PKHD1: variants seen among roughly 807,000 people sequenced by gnomAD.
The protein encoded by PKHD1 is fibrocystin.
PKHD1 carries 291 observed loss-of-function variants against 412.0 expected under a neutral mutation model. That is an observed-to-expected ratio of 0.71 (90% CI 0.64 to 0.78). PKHD1 has a LOEUF of 0.78. Among genes scored for constraint, PKHD1 ranks in the 30% least tolerant of loss-of-function variants. The pLI, the probability that PKHD1 is intolerant of heterozygous loss-of-function variation, is 0.00. For missense variants in PKHD1, 4,825 were observed against 4,950.7 expected, an observed-to-expected ratio of 0.97 and a Z score of 0.76; for synonymous variants, 1,777 against 1,821.5, an observed-to-expected ratio of 0.98 and a Z score of 0.62.
chr6:51,946,671 A>C (rs966667855), intron 36 of PKHD1, among the ~76,000 whole-genome samples: 2 of 152,226 alleles, frequency 1.3e-5, no homozygotes, highest in African/African-American at 4.8e-5. Context: ...CTTTCATGAA[A>C]GCTGACTATG....
intron 60 of PKHD1, among the ~76,000 whole-genome samples, chr6:51,704,154 G>A (rs1779753395): frequency 6.6e-6 from 1 of 152,016 alleles, no homozygotes; most frequent in African/African-American, 2.4e-5. Context: ...CTTCTGGCAT[G>A]CAATCTATTT....
intron 48 of PKHD1, among the ~76,000 whole-genome samples, chr6:51,865,861 A>G (rs1280494409): frequency 1.3e-5 from 2 of 152,212 alleles, no homozygotes; most frequent in Non-Finnish European, 2.9e-5. Flanking sequence ...TAATGAGGTT[A>G]TAATGCTTTG....
At chr6:51,769,410 A>G (rs1404920364) in intron 55 of PKHD1, among the ~76,000 whole-genome samples, 2 of 151,204 alleles carry the variant, frequency 1.3e-5, no homozygotes, top group East Asian at 3.9e-4. Context: ...TTTATAAAGT[A>G]TTTTTCTCAG....
chr6:52,000,226 T>C (rs932961237), intron 35 of PKHD1, among the ~76,000 whole-genome samples: 1 of 152,214 alleles, frequency 6.6e-6, no homozygotes, highest in African/African-American at 2.4e-5. Context: ...AGTTATCCAG[T>C]CACCCAATGA....
intron 5 of PKHD1, among the ~76,000 whole-genome samples, chr6:52,079,599 T>A (rs1225515126): frequency 6.6e-6 from 1 of 152,178 alleles, no homozygotes; most frequent in Non-Finnish European, 1.5e-5. Flanking sequence ...ATGGGCAAAT[T>A]ATTTAATCAC....
intron 52 of PKHD1, among the ~76,000 whole-genome samples, chr6:51,801,071 G>A (rs1304579973): frequency 6.6e-6 from 1 of 152,108 alleles, no homozygotes; most frequent in African/African-American, 2.4e-5. Flanking sequence ...TTTGTAGAAA[G>A]AAAATATTTT....
intron 35 of PKHD1, among the ~76,000 whole-genome samples, chr6:51,994,685 G>A (rs1204368770): frequency 1.3e-5 from 2 of 151,716 alleles, no homozygotes; most frequent in South Asian, 2.1e-4. Flanking sequence ...AGGCTGAGGC[G>A]ATCCTCCCAC....
chr6:51,754,737 T>G (rs981813838), intron 56 of PKHD1, 47 bp downstream of exon 56: 2 of 1,553,422 alleles, frequency 1.3e-6, no homozygotes, highest in Non-Finnish European at 1.8e-6. Context: ...CCAAACATGG[T>G]CTTCCTAGCT....
At chr6:51,740,126 G>A (rs962923926) in intron 60 of PKHD1, 31 of 463,780 alleles carry the variant, frequency 6.7e-5, no homozygotes, top group Non-Finnish European at 1.3e-4. Context: ...CTTGGCATGA[G>A]CTGTCTTGCT....
At chr6:52,055,804 T>C in intron 18 of PKHD1, 75 bp from the exon 19 acceptor site, 2 of 1,503,768 alleles carry the variant, frequency 1.3e-6, no homozygotes, top group Non-Finnish European at 1.8e-6. Context: ...CATGTGTGCA[T>C]GAGGATTTTA....
At chr6:51,722,169 G>T in intron 60 of PKHD1, 1 of 1,347,210 alleles carries the variant, frequency 7.4e-7, no homozygotes, top group Non-Finnish European at 1.0e-6. Flanking sequence ...ACTCATGCCC[G>T]CCCTCAGTGT....
Position 51,909,476 on chromosome 6 carries a change from T to G in PKHD1, c.6491-2A>C. ...AATACAAACAGTGCTGCAGATTACC[T>G]GAAATGCAAAATAAAGTCCAGAGAA... On this transcript the variant is annotated splice_acceptor_variant, in intron 39 of 66. Coordinates refer to ENST00000371117, the MANE Select transcript of PKHD1 (RefSeq NM_138694.4). LOFTEE classifies it high-confidence loss of function. 6.2e-7 allele frequency: 1 copy of G among 1,611,568 alleles called. No homozygotes were observed. The highest frequency in any genetic ancestry group is 1.1e-5 in the South Asian group (1 of 91,048).
intron 37 of PKHD1, among the ~76,000 whole-genome samples, chr6:51,921,095 T>G (rs2127711055): frequency 6.6e-6 from 1 of 152,316 alleles, no homozygotes; most frequent in South Asian, 2.1e-4. Flanking sequence ...ATTGATTTTT[T>G]GAAGGGTTTT....
At position 52,056,724 on chromosome 6, in the gene PKHD1, A is replaced by G; in HGVS notation, c.1667T>C (p.Ile556Thr). The change falls in exon 18 of 67, where the codon ATC (isoleucine) becomes ACC (threonine). Residue 556 changes from isoleucine to threonine, a missense_variant. Coordinates refer to ENST00000371117, the MANE Select transcript of PKHD1 (RefSeq NM_138694.4). ...KCKLEPLWSN[I>T]LLRLGFERGP... The stretch of plus-strand genomic sequence containing the variant: ...TCGTTCAAATCCAAGCCGGAGAAGG[A>G]TGTTAGACCAAAGGGGTTCCAGTTT... 1 of 1,613,692 alleles carries G rather than the reference A, an allele frequency of 6.2e-7. No individual in the cohort carries two copies.
intron 27 of PKHD1, among the ~76,000 whole-genome samples, chr6:52,036,530 AC>A (rs760765987): frequency 1.3e-5 from 2 of 151,788 alleles, no homozygotes; most frequent in Non-Finnish European, 1.5e-5. Context: ...AAACAGCCTT[AC>A]CCCCCCTTGA....
Position 52,042,901 on chromosome 6 carries a change from G to GT in PKHD1, c.3054dup (p.Pro1019ThrfsTer2). The GT allele has an allele frequency of 6.2e-7, 1 of 1,613,942 alleles. No homozygotes were observed. ...GAAGGCTCCACCATATCCAGTCTAG[G>GT]TTTCACATTTAGGAAGAGGTCTTCT... is the stretch of plus-strand genomic sequence containing the variant. On this transcript the variant is annotated frameshift_variant, in exon 27 of 67. Transcript: ENST00000371117. LOFTEE classifies it high-confidence loss of function.
At chr6:51,683,497 T>A (rs1776987067) in intron 60 of PKHD1, among the ~76,000 whole-genome samples, 1 of 152,084 alleles carries the variant, frequency 6.6e-6, no homozygotes, top group Non-Finnish European at 1.5e-5. Context: ...TATACCTGAT[T>A]AAGCAAAATT....
At chr6:51,748,963 A>G (rs1035884022) in intron 57 of PKHD1, among the ~76,000 whole-genome samples, 3 of 152,144 alleles carry the variant, frequency 2.0e-5, no homozygotes, top group African/African-American at 7.2e-5. Flanking sequence ...AAGTTTAACG[A>G]TTCTGTGTAT....
At chr6:51,918,795 C>T (rs1784239771) in intron 37 of PKHD1, among the ~76,000 whole-genome samples, 1 of 152,004 alleles carries the variant, frequency 6.6e-6, no homozygotes, top group Admixed American at 6.6e-5. Context: ...AAAAGTGTTT[C>T]TATTTCTACA....
Sources: gnomAD v4.1 joint callset for allele counts (sites outside exome capture counted in the v4.1 genomes callset) on GRCh38, gnomAD v4.1.1 for gene constraint, MANE v1.5 for transcripts, NCBI Gene and HGNC (gene_info 2026-07-23, HGNC 2026-07-21) for gene names.